Variants in GAB2 observed in about 807,000 individuals in gnomAD.
GAB2 encodes GRB2-associated-binding protein 2.
In GAB2, 26 loss-of-function variants were observed where a neutral mutation model predicts 65.5. That is an observed-to-expected ratio of 0.40 (90% CI 0.29 to 0.55). GAB2 has a LOEUF of 0.55. Ranked by LOEUF, GAB2 falls within the 20% of genes least tolerant of loss-of-function variation. The pLI, the probability that GAB2 is intolerant of heterozygous loss-of-function variation, is 0.53. For synonymous variants in GAB2, 321 were observed against 329.6 expected, an observed-to-expected ratio of 0.97 and a Z score of 0.28; for missense variants, 884 against 875.8, an observed-to-expected ratio of 1.01 and a Z score of -0.12.
chr11:78,346,049 A>G (rs1045046323), intron 1 of GAB2, among the ~76,000 whole-genome samples: 2 of 152,208 alleles, frequency 1.3e-5, no homozygotes, highest in Admixed American at 6.5e-5. Context: ...TAAATTTCTC[A>G]CTAGCAAATA....
At chr11:78,303,223 C>CT (rs75543762) in intron 1 of GAB2, among the ~76,000 whole-genome samples, 6 of 151,768 alleles carry the variant, frequency 4.0e-5, no homozygotes, top group East Asian at 1.9e-4. Flanking sequence ...ATGGTTTAGG[C>CT]TTTTTTTTGT....
intron 1 of GAB2, among the ~76,000 whole-genome samples, chr11:78,282,566 C>T: frequency 6.6e-6 from 1 of 152,160 alleles, no homozygotes; most frequent in East Asian, 1.9e-4. Flanking sequence ...GCCTCAGCCT[C>T]CCAAAGTGCT....
At chr11:78,350,308 C>T (rs1856256982) in intron 1 of GAB2, among the ~76,000 whole-genome samples, 1 of 152,164 alleles carries the variant, frequency 6.6e-6, no homozygotes, top group Non-Finnish European at 1.5e-5. Context: ...GTAAAGAGGC[C>T]TGGGTGCCGG....
intron 1 of GAB2, among the ~76,000 whole-genome samples, chr11:78,356,187 A>G (rs534222619): frequency 4.2e-4 from 63 of 151,658 alleles, no homozygotes; most frequent in Non-Finnish European, 6.9e-4. Flanking sequence ...AAAAAGAAAA[A>G]AAAAAAAAAG....
intron 1 of GAB2, among the ~76,000 whole-genome samples, chr11:78,336,758 G>A (rs1856010204): frequency 6.6e-6 from 1 of 152,068 alleles, no homozygotes; most frequent in African/African-American, 2.4e-5. Context: ...ATCAAACAGT[G>A]AAAAATGAAC....
chr11:78,293,571 TA>T (rs1185980370), intron 1 of GAB2, among the ~76,000 whole-genome samples: 1 of 152,154 alleles, frequency 6.6e-6, no homozygotes, highest in Non-Finnish European at 1.5e-5. Flanking sequence ...TGACTCCAAC[TA>T]TAGGCTTCAA....
intron 4 of GAB2, among the ~76,000 whole-genome samples, chr11:78,226,002 G>A (rs1418393108): frequency 6.6e-6 from 1 of 152,196 alleles, no homozygotes; most frequent in Non-Finnish European, 1.5e-5. Context: ...TAAAAGTTTT[G>A]ACTTCAACCA....
intron 1 of GAB2, among the ~76,000 whole-genome samples, chr11:78,403,363 T>C (rs1262574222): frequency 2.0e-5 from 3 of 152,254 alleles, no homozygotes; most frequent in African/African-American, 7.2e-5. Flanking sequence ...AATAATCTCG[T>C]CATTTAAACA....
chr11:78,220,457 G>A lies in GAB2; in HGVS notation c.1762-13C>T. The A allele has an allele frequency of 6.4e-7, 1 of 1,550,614 alleles. No individual in the cohort carries two copies. The highest frequency in any genetic ancestry group is 1.2e-5 in the South Asian group (1 of 84,060). ...ACACTGGGTTTTGCTGTCACGAGGA[G>A]GAAAAAACTGTGAGTGACTGCAGAA... On this transcript the variant is annotated splice_polypyrimidine_tract_variant and intron_variant, in intron 8 of 9. Coordinates refer to ENST00000361507, the MANE Select transcript of GAB2 (RefSeq NM_080491.3).
chr11:78,242,950 A>T (rs1865182386), intron 3 of GAB2, among the ~76,000 whole-genome samples: 1 of 148,476 alleles, frequency 6.7e-6, no homozygotes, highest in South Asian at 2.2e-4. Context: ...ATCACTTGAG[A>T]TCAGGAGTTC....
At chr11:78,303,311 G>A (rs1867085239) in intron 1 of GAB2, among the ~76,000 whole-genome samples, 1 of 152,018 alleles carries the variant, frequency 6.6e-6, no homozygotes, top group African/African-American at 2.4e-5. Flanking sequence ...TATAATTTTA[G>A]CTTTGATATT....
chr11:78,340,815 C>T (rs114920780), intron 1 of GAB2, among the ~76,000 whole-genome samples: 1 of 152,160 alleles, frequency 6.6e-6, no homozygotes, highest in Non-Finnish European at 1.5e-5. Context: ...TCTCTCAAAG[C>T]CTTTAACCAG....
intron 1 of GAB2, among the ~76,000 whole-genome samples, chr11:78,376,361 T>C (rs1009570815): frequency 5.9e-5 from 9 of 152,192 alleles, no homozygotes; most frequent in African/African-American, 2.2e-4. Context: ...GTGTACCAGA[T>C]ACTATTCTAA....
intron 2 of GAB2, among the ~76,000 whole-genome samples, chr11:78,267,685 C>T (rs1056085379): frequency 1.4e-4 from 21 of 151,542 alleles, no homozygotes; most frequent in Middle Eastern, 6.9e-3. Flanking sequence ...GGTGAAACCC[C>T]GTCGCTACTA....
chr11:78,341,740 C>T, intron 1 of GAB2: 1 of 985,472 alleles, frequency 1.0e-6, no homozygotes, highest in South Asian at 4.7e-5. Context: ...CCGCCATACT[C>T]TTTGTTTCCC....
intron 1 of GAB2, among the ~76,000 whole-genome samples, chr11:78,387,186 A>T (rs1856779072): frequency 2.0e-5 from 3 of 151,928 alleles, no homozygotes; most frequent in Admixed American, 2.0e-4. Flanking sequence ...CCCACAATGG[A>T]ATATCTTCTT....
At chr11:78,363,066 G>A (rs770813289) in intron 1 of GAB2, among the ~76,000 whole-genome samples, 4 of 152,208 alleles carry the variant, frequency 2.6e-5, no homozygotes, top group African/African-American at 9.6e-5. Flanking sequence ...AAAAAGATGA[G>A]GCTCCTTTTG....
At chr11:78,408,356 G>A (rs904075662) in intron 1 of GAB2, among the ~76,000 whole-genome samples, 1 of 152,090 alleles carries the variant, frequency 6.6e-6, no homozygotes, top group African/African-American at 2.4e-5. Context: ...TGTATGTACA[G>A]TATAATACCT....
At chr11:78,222,059 C>A (rs2930844) in intron 7 of GAB2, 46 bp downstream of exon 7, 1 of 1,273,708 alleles carries the variant, frequency 7.9e-7, no homozygotes, top group South Asian at 1.2e-5. Flanking sequence ...CTCATTTTCC[C>A]TAATGGCCCG....
Sources: gnomAD v4.1 joint callset for allele counts (sites outside exome capture counted in the v4.1 genomes callset) on GRCh38, gnomAD v4.1.1 for gene constraint, MANE v1.5 for transcripts, NCBI Gene and HGNC (gene_info 2026-07-23, HGNC 2026-07-21) for gene names.